ZNF609: variants seen among roughly 807,000 people sequenced by gnomAD.
The protein encoded by ZNF609 is zinc finger protein 609.
A neutral mutation model predicts 109.5 loss-of-function variants in ZNF609; 11 were observed. The observed-to-expected ratio is 0.10, with a 90% CI of 0.06 to 0.17. The LOEUF (loss-of-function observed/expected upper bound fraction) is 0.17, where lower values mean the gene tolerates loss of function less well. Among genes scored for constraint, ZNF609 ranks in the 10% least tolerant of loss-of-function variants. The pLI, the probability that ZNF609 is intolerant of heterozygous loss-of-function variation, is 1.00. For synonymous variants in ZNF609, 646 were observed against 662.0 expected (o/e 0.98, Z 0.37); for missense variants, 1,559 against 1,772.4 (o/e 0.88, Z 2.16).
intron 2 of ZNF609, among the ~76,000 whole-genome samples, chr15:64,579,622 A>G (rs1453243610): frequency 6.6e-6 from 1 of 151,834 alleles, no homozygotes; most frequent in Non-Finnish European, 1.5e-5. Flanking sequence ...AGGCAGGAGA[A>G]TCACTTAAGC....
chr15:64,657,475 A>T (rs1249799369), intron 3 of ZNF609, among the ~76,000 whole-genome samples: 1 of 151,696 alleles, frequency 6.6e-6, no homozygotes, highest in African/African-American at 2.4e-5. Context: ...TTAGCTGGGC[A>T]TGGTGGTGCG....
intron 3 of ZNF609, among the ~76,000 whole-genome samples, chr15:64,661,438 A>C (rs926196882): frequency 6.6e-6 from 1 of 152,200 alleles, no homozygotes; most frequent in African/African-American, 2.4e-5. Context: ...GAATGAAAGC[A>C]TGTATGTGTG....
chr15:64,643,211 C>G (rs1045176725), intron 3 of ZNF609, among the ~76,000 whole-genome samples: 5 of 152,180 alleles, frequency 3.3e-5, no homozygotes, highest in Admixed American at 6.6e-5. Flanking sequence ...TCTTGCAACT[C>G]TCCCTCAGCT....
intron 2 of ZNF609, among the ~76,000 whole-genome samples, chr15:64,615,767 G>A (rs1463086819): frequency 3.3e-5 from 5 of 152,262 alleles, no homozygotes; most frequent in East Asian, 1.9e-4. Context: ...GATTATAGGC[G>A]TGAGCCACTG....
intron 2 of ZNF609, among the ~76,000 whole-genome samples, chr15:64,582,834 C>T (rs1446479747): frequency 1.5e-5 from 2 of 132,206 alleles, no homozygotes; most frequent in African/African-American, 2.7e-5. Flanking sequence ...TCACTGCAAC[C>T]TCCGCCTCCC....
chr15:64,482,922 T>C (rs929247697), intron 1 of ZNF609, among the ~76,000 whole-genome samples: 22 of 152,122 alleles, frequency 1.4e-4, no homozygotes, highest in Non-Finnish European at 2.8e-4. Context: ...GTCCCTTCGG[T>C]TCTAAAAACC....
At chr15:64,531,587 C>T (rs544012024) in intron 2 of ZNF609, among the ~76,000 whole-genome samples, 11 of 151,986 alleles carry the variant, frequency 7.2e-5, no homozygotes, top group South Asian at 2.1e-4. Context: ...TTTGTGGAGA[C>T]GGGGTCTCCC....
intron 3 of ZNF609, among the ~76,000 whole-genome samples, chr15:64,652,522 G>A (rs913228531): frequency 5.9e-5 from 9 of 151,678 alleles, no homozygotes; most frequent in African/African-American, 2.2e-4. Context: ...AAGTAGCTGG[G>A]ACTACAGGCA....
intron 2 of ZNF609, among the ~76,000 whole-genome samples, chr15:64,578,118 T>C (rs1474563296): frequency 1.3e-5 from 2 of 152,122 alleles, no homozygotes; most frequent in Non-Finnish European, 2.9e-5. Flanking sequence ...GATAGATTTT[T>C]ACTAAATAAA....
intron 2 of ZNF609, among the ~76,000 whole-genome samples, chr15:64,610,563 C>G (rs75563572): frequency 2.0e-5 from 3 of 152,082 alleles, no homozygotes; most frequent in Non-Finnish European, 2.9e-5. Flanking sequence ...GCCGGAGGAT[C>G]GTTGAGTCCA....
At chr15:64,593,885 G>C (rs1895344197) in intron 2 of ZNF609, among the ~76,000 whole-genome samples, 1 of 152,148 alleles carries the variant, frequency 6.6e-6, no homozygotes, top group African/African-American at 2.4e-5. Context: ...GGATAAGAAG[G>C]GTTGGTGTTT....
At chr15:64,515,829 T>C (rs978418011) in intron 2 of ZNF609, among the ~76,000 whole-genome samples, 4 of 151,534 alleles carry the variant, frequency 2.6e-5, no homozygotes, top group African/African-American at 7.3e-5. Flanking sequence ...TCCCAGCTAC[T>C]CGGGAGGCCG....
intron 2 of ZNF609, 116 bp from the exon 3 acceptor site, chr15:64,622,711 T>A: frequency 1.2e-6 from 1 of 865,580 alleles, no homozygotes; most frequent in East Asian, 2.4e-5. Flanking sequence ...AAAGTCTTAT[T>A]TATAGCCGTC....
intron 1 of ZNF609, among the ~76,000 whole-genome samples, chr15:64,492,581 T>C (rs1893429373): frequency 6.6e-6 from 1 of 152,158 alleles, no homozygotes; most frequent in Non-Finnish European, 1.5e-5. Flanking sequence ...GGAGTCTCGC[T>C]GTGTTGCCCA....
chr15:64,481,133 A>G (rs1018663010), intron 1 of ZNF609, among the ~76,000 whole-genome samples: 2 of 152,258 alleles, frequency 1.3e-5, no homozygotes, highest in East Asian at 1.9e-4. Context: ...GTGATCATGT[A>G]TATATTAGGG....
chr15:64,574,949 ACTC>A (rs1411046431), intron 2 of ZNF609, among the ~76,000 whole-genome samples: 2 of 151,844 alleles, frequency 1.3e-5, no homozygotes, highest in South Asian at 2.1e-4. Context: ...GCAGAGTTGG[ACTC>A]CTCCTGAAGC....
chr15:64,596,392 G>A (rs946276137), intron 2 of ZNF609, among the ~76,000 whole-genome samples: 2 of 152,096 alleles, frequency 1.3e-5, no homozygotes, highest in Admixed American at 1.3e-4. Context: ...CTGACCTTGT[G>A]ATCTGGCCAA....
intron 3 of ZNF609, among the ~76,000 whole-genome samples, chr15:64,633,266 A>G (rs946410342): frequency 3.3e-5 from 5 of 149,736 alleles, no homozygotes; most frequent in African/African-American, 9.9e-5. Context: ...TCCCACCTCA[A>G]CCTCCCAAGT....
In ZNF609 at chr15:64,479,284, ATTTTTTT is replaced by A. The variant is rs34496032; in HGVS notation, c.-128+18465_-128+18471del. On this transcript the variant is annotated intron_variant, in intron 1 of 9. Coordinates refer to ENST00000326648, the MANE Select transcript of ZNF609 (RefSeq NM_015042.2). ...AAAACCTATATATTGTACCTGTGTG[ATTTTTTT>A]TTTTTTTTTTTTTTTTTTGAGACAG... Among the ~76,000 whole-genome samples the A allele has an allele frequency of 3.2e-3, 280 of 86,534 alleles. 2 individuals carry two copies. The highest frequency in any genetic ancestry group is 0.014 in the African/African-American group (270 of 19,506). 56.8% of individuals were successfully genotyped at this position (86,534 alleles called of 152,430 possible). A position where few individuals can be genotyped will look rare whatever the true frequency, so the allele number is the denominator to read the frequency against.
Sources: allele counts gnomAD v4.1 joint callset (sites outside exome capture counted in the v4.1 genomes callset), GRCh38; gene constraint gnomAD v4.1.1; transcripts MANE v1.5; gene names NCBI Gene and HGNC (gene_info 2026-07-23, HGNC 2026-07-21).